The following COL4A3 variants were observed in gnomAD, a reference collection of about 807,000 sequenced individuals.
The protein encoded by COL4A3 is collagen alpha-3(IV) chain.
COL4A3 carries 135 observed loss-of-function variants against 217.4 expected under a neutral mutation model. That is an observed-to-expected ratio of 0.62 (90% CI 0.54 to 0.72). The LOEUF is 0.72. Among genes scored for constraint, COL4A3 ranks in the 30% least tolerant of loss-of-function variants. The pLI, the probability that COL4A3 is intolerant of heterozygous loss-of-function variation, is 0.00. For synonymous variants in COL4A3, 690 were observed against 736.3 expected (o/e 0.94, Z 1.02); for missense variants, 1,868 against 2,119.9 (o/e 0.88, Z 2.33).
rs201024233 is a variant in COL4A3 at position 227,235,772 on chromosome 2, C to CTTTTT, written c.88-2180_88-2176dup. 1.6e-3 allele frequency among the ~76,000 whole-genome samples: 201 copies of CTTTTT among 122,416 alleles called. 5 individuals carry two copies. The highest frequency in any genetic ancestry group is 2.2e-3 in the Non-Finnish European group (137 of 62,154). The allele number at this position is 122,416 out of a possible 152,430, so 80.3% of individuals were successfully genotyped here. On this transcript the variant is annotated intron_variant, in intron 1 of 51. Coordinates refer to ENST00000396578, the MANE Select transcript of COL4A3 (RefSeq NM_000091.5). ...TGCTGCTAATGCCATTATTTCATTC[C>CTTTTT]TTTTTTTTTTTTTTTTTTTTAATGG...
In COL4A3 at chr2:227,297,782, G is replaced by A. The variant is rs1464979875; in HGVS notation, c.3674G>A (p.Gly1225Glu). 1 of 1,586,194 alleles carries A rather than the reference G, an allele frequency of 6.3e-7. No homozygotes were observed. Among genetic ancestry groups the A allele is most frequent in the Non-Finnish European group, 8.6e-7 (1 of 1,166,188 alleles). Residue 1225 changes from glycine (G) to glutamate (E), a missense_variant, in exon 42 of 52, where the codon GGG becomes GAG. By Grantham distance (98) the Gly-to-Glu change is moderately conservative (BLOSUM62 -2). Coordinates refer to ENST00000396578, the MANE Select transcript of COL4A3 (RefSeq NM_000091.5). ...RGPTGIEGFP[G>E]PPGLPGAIIP... Reference sequence around the variant, plus strand: ...CCCACAGGCATAGAAGGATTCCCAGGGCCACCAGGTCTGCCCGGTGCAATT... The same window carrying A: ...CCCACAGGCATAGAAGGATTCCCAGAGCCACCAGGTCTGCCCGGTGCAATT...
At chr2:227,278,753 C>A (rs1163323391) in intron 28 of COL4A3, among the ~76,000 whole-genome samples, 1 of 152,122 alleles carries the variant, frequency 6.6e-6, no homozygotes, top group African/African-American at 2.4e-5. Flanking sequence ...ACTGTGGGAA[C>A]CAGAACTAGC....
chr2:227,288,765 T>C lies in COL4A3; in HGVS notation c.2882-385T>C, dbSNP rs61318128. On this transcript the variant is annotated intron_variant, in intron 34 of 51. Transcript: ENST00000396578. ...GAATAACTTATGCCAGGCACTGTGCTAATGCTTGACACATATTATTTCATT... is the reference window on the plus strand; with the variant it reads ...GAATAACTTATGCCAGGCACTGTGCCAATGCTTGACACATATTATTTCATT... Among the ~76,000 whole-genome samples, 425 of 152,338 alleles carry C rather than the reference T, an allele frequency of 2.8e-3. 3 individuals are homozygous for C. The highest frequency in any genetic ancestry group is 9.9e-3 in the African/African-American group (410 of 41,588).
In COL4A3 at chr2:227,289,149, G is replaced by A; in HGVS notation, c.2882-1G>A. 6.2e-7 allele frequency: 1 copy of A among 1,612,264 alleles called. No homozygotes were observed. Among genetic ancestry groups the A allele is most frequent in the Non-Finnish European group, 8.5e-7 (1 of 1,179,116 alleles). ...TGTTAATACCTGGTTTCTAACTTCAGGATTCGCAGGAAATCCAGGTGAGAA... is the reference window on the plus strand; with the variant it reads ...TGTTAATACCTGGTTTCTAACTTCAAGATTCGCAGGAAATCCAGGTGAGAA... On this transcript the variant is annotated splice_acceptor_variant, in intron 34 of 51. Transcript: ENST00000396578. LOFTEE classifies it high-confidence loss of function.
At chr2:227,179,636 A>T (rs183951097) in intron 1 of COL4A3, among the ~76,000 whole-genome samples, 2 of 152,344 alleles carry the variant, frequency 1.3e-5, no homozygotes, top group Admixed American at 1.3e-4. Context: ...TTATTTTGGG[A>T]CAAAACATTG....
At chr2:227,276,682 G>A (rs1333509747) in intron 27 of COL4A3, among the ~76,000 whole-genome samples, 1 of 152,240 alleles carries the variant, frequency 6.6e-6, no homozygotes, top group Non-Finnish European at 1.5e-5. Flanking sequence ...TCTCACTGGT[G>A]CTTCTAATAT....
chr2:227,213,358 G>T (rs929474526), intron 1 of COL4A3, among the ~76,000 whole-genome samples: 1 of 152,080 alleles, frequency 6.6e-6, no homozygotes, highest in Non-Finnish European at 1.5e-5. Context: ...ACTTTTTTTG[G>T]AGAGTAAAAG....
chr2:227,307,492 G>T (rs1005076402), intron 47 of COL4A3, among the ~76,000 whole-genome samples: 1 of 152,254 alleles, frequency 6.6e-6, no homozygotes, highest in Non-Finnish European at 1.5e-5. Context: ...CTCAAAAAAC[G>T]CATCAAATAT....
In COL4A3 at chr2:227,266,452, C is replaced by A. The variant is rs1370839845; in HGVS notation, c.1351C>A (p.His451Asn). 1 of 1,614,030 alleles carries A rather than the reference C, an allele frequency of 6.2e-7. No homozygotes were observed. The highest frequency in any genetic ancestry group is 8.5e-7 in the Non-Finnish European group (1 of 1,179,968). Residue 451 changes from histidine (H) to asparagine (N), a missense_variant, in exon 22 of 52, where the codon CAC (histidine) becomes AAC (asparagine). Transcript: ENST00000396578. ...IVFRKGPPGD[H>N]GLPGYLGSPG... ...TTTTCGCAAGGGTCCACCTGGAGAT[C>A]ACGGACTGCCAGGCTATCTAGGGTC...
At position 227,240,150 on chromosome 2, in the gene COL4A3, A is replaced by G; in HGVS notation, c.152A>G (p.Lys51Arg). The G allele has an allele frequency of 6.2e-7, 1 of 1,608,274 alleles. No homozygotes were observed. Among genetic ancestry groups the G allele is most frequent in the Non-Finnish European group, 8.5e-7 (1 of 1,177,480 alleles). ...CDGAKGEKGE[K>R]GFPGPPGSPG... The stretch of plus-strand genomic sequence containing the variant: ...TCGTTTTGGTTTTAACAGGGGGAGA[A>G]GGGCTTTCCTGGACCCCCCGGTTCT... Residue 51 changes from lysine to arginine, a missense_variant, in exon 3 of 52, where the codon AAG (lysine) becomes AGG (arginine). By Grantham distance (26) the Lys-to-Arg change is conservative (BLOSUM62 2). Coordinates refer to ENST00000396578, the MANE Select transcript of COL4A3 (RefSeq NM_000091.5).
intron 9 of COL4A3, among the ~76,000 whole-genome samples, chr2:227,248,923 G>T (rs1289885486): frequency 6.6e-6 from 1 of 151,782 alleles, no homozygotes; most frequent in Non-Finnish European, 1.5e-5. Flanking sequence ...TTTAAAATTT[G>T]CATAATGATA....
chr2:227,246,861 C>T, intron 7 of COL4A3, 123 bp downstream of exon 7: 1 of 828,940 alleles, frequency 1.2e-6, no homozygotes, highest in Non-Finnish European at 2.1e-6. Flanking sequence ...CCATAGTAGA[C>T]ATTCAACTAA....
At chr2:227,260,722 G>T (rs964250497) in intron 19 of COL4A3, among the ~76,000 whole-genome samples, 1 of 152,182 alleles carries the variant, frequency 6.6e-6, no homozygotes, top group African/African-American at 2.4e-5. Context: ...ACAGATGGAA[G>T]CAATCTAAGA....
At chr2:227,289,111 T>A in intron 34 of COL4A3, 39 bp from the exon 35 acceptor site, 1 of 1,541,920 alleles carries the variant, frequency 6.5e-7, no homozygotes, top group Non-Finnish European at 8.9e-7. Flanking sequence ...CCACCACACC[T>A]GGCTAATTTT....
Position 227,282,215 on chromosome 2 carries a change from T to C in COL4A3, c.2489-150T>C. 1 of 286,058 alleles carries C rather than the reference T, an allele frequency of 3.5e-6. No homozygotes were observed. The highest frequency in any genetic ancestry group is 5.9e-6 in the Non-Finnish European group (1 of 169,320). 17.7% of individuals were successfully genotyped at this position (286,058 alleles called of 1,614,324 possible). A position where few individuals can be genotyped will look rare whatever the true frequency, so the allele number is the denominator to read the frequency against. On this transcript the variant is annotated intron_variant, in intron 31 of 51. Coordinates refer to ENST00000396578, the MANE Select transcript of COL4A3 (RefSeq NM_000091.5). The surrounding 1 kb of genome is among the most constrained non-coding windows in gnomAD (Gnocchi z 4.4). ...TGAACCAGGGAGGCGGAGGGTACAG[T>C]GAGCCGAAATCGCCCCACTGCAATC...
intron 1 of COL4A3, among the ~76,000 whole-genome samples, chr2:227,193,352 A>G (rs886578587): frequency 1.1e-4 from 16 of 152,244 alleles, no homozygotes; most frequent in South Asian, 8.3e-4. Flanking sequence ...AATAACTCTT[A>G]GTTTAAGGAA....
chr2:227,187,603 A>G (rs1396160736), intron 1 of COL4A3, among the ~76,000 whole-genome samples: 1 of 152,238 alleles, frequency 6.6e-6, no homozygotes, highest in Non-Finnish European at 1.5e-5. Context: ...GGTCTCATAG[A>G]TAATGGAAGT....
chr2:227,199,376 CT>C (rs2066600268), intron 1 of COL4A3, among the ~76,000 whole-genome samples: 1 of 152,182 alleles, frequency 6.6e-6, no homozygotes, highest in Non-Finnish European at 1.5e-5. Context: ...ATTCTTGCCC[CT>C]GGCATACTAT....
At chr2:227,207,388 T>G (rs1215052842) in intron 1 of COL4A3, among the ~76,000 whole-genome samples, 2 of 152,230 alleles carry the variant, frequency 1.3e-5, no homozygotes, top group Non-Finnish European at 2.9e-5. Flanking sequence ...TCTTGTTTAT[T>G]TCCCTACATT....
Sources: gnomAD v4.1 joint callset for allele counts (sites outside exome capture counted in the v4.1 genomes callset) on GRCh38, gnomAD v4.1.1 for gene constraint, Gnocchi (gnomAD v3.1) non-coding constraint, MANE v1.5 for transcripts, NCBI Gene and HGNC (gene_info 2026-07-23, HGNC 2026-07-21) for gene names.